PLXNA4: variants seen among roughly 807,000 people sequenced by gnomAD.
PLXNA4 encodes the protein plexin A4, also known as plexin-A4.
In PLXNA4, 44 loss-of-function variants were observed where a neutral mutation model predicts 191.8. That is an observed-to-expected ratio of 0.23 (90% confidence interval 0.18 to 0.29). PLXNA4 has a LOEUF of 0.29. Among genes scored for constraint, PLXNA4 ranks in the 10% least tolerant of loss-of-function variants. The pLI is 1.00. For synonymous variants in PLXNA4, 1,082 were observed against 1,009.5 expected (o/e 1.07, Z -1.36); for missense variants, 1,800 against 2,488.8 (o/e 0.72, Z 5.89).
intron 3 of PLXNA4, among the ~76,000 whole-genome samples, chr7:132,430,888 G>C (rs277480): frequency 0.1 from 15,685 of 152,226 alleles, 1,371 homozygotes; most frequent in African/African-American, 0.22. Flanking sequence ...ACTAGGACAG[G>C]AGCAGCAGCC....
chr7:132,588,265 C>A (rs1454543991), intron 2 of PLXNA4, among the ~76,000 whole-genome samples: 1 of 151,970 alleles, frequency 6.6e-6, no homozygotes, highest in Admixed American at 6.5e-5. Context: ...ATAATTACTG[C>A]TTTTTCCTCC....
chr7:132,353,053 C>A (rs1803556350), intron 3 of PLXNA4, among the ~76,000 whole-genome samples: 1 of 152,176 alleles, frequency 6.6e-6, no homozygotes, highest in Non-Finnish European at 1.5e-5. Context: ...TCCCACTTGC[C>A]AAGATGTTTC....
intron 3 of PLXNA4, among the ~76,000 whole-genome samples, chr7:132,405,574 G>A (rs574816564): frequency 4.6e-5 from 7 of 152,270 alleles, no homozygotes; most frequent in African/African-American, 9.6e-5. Context: ...AGGAGGTGTC[G>A]GCTTAGCAGG....
intron 3 of PLXNA4, among the ~76,000 whole-genome samples, chr7:132,345,821 T>C (rs1039716308): frequency 6.6e-6 from 1 of 152,222 alleles, no homozygotes; most frequent in African/African-American, 2.4e-5. Context: ...CATTTTCTCT[T>C]GGCTCAAAGG....
At chr7:132,506,323 T>C (rs909415802) in intron 2 of PLXNA4, among the ~76,000 whole-genome samples, 1 of 152,200 alleles carries the variant, frequency 6.6e-6, no homozygotes, top group African/African-American at 2.4e-5. Context: ...ATTTACACTT[T>C]TTTAAACAAC....
chr7:132,298,272 C>A, intron 3 of PLXNA4, 50 bp from the exon 4 acceptor site: 1 of 1,565,676 alleles, frequency 6.4e-7, no homozygotes, highest in Non-Finnish European at 8.6e-7. Flanking sequence ...CTGCACTGCC[C>A]ACAGCCAAAC....
At chr7:132,162,969 C>A (rs985687206) in intron 24 of PLXNA4, among the ~76,000 whole-genome samples, 1 of 152,146 alleles carries the variant, frequency 6.6e-6, no homozygotes, top group East Asian at 1.9e-4. Context: ...ATCACACTCC[C>A]TCCCAGTACT....
At chr7:132,604,923 C>G (rs1018766636) in intron 2 of PLXNA4, among the ~76,000 whole-genome samples, 4 of 152,244 alleles carry the variant, frequency 2.6e-5, no homozygotes, top group African/African-American at 9.6e-5. Context: ...GCACTTCCCT[C>G]TTGTCCCAGC....
At chr7:132,257,328 C>A (rs1016880147) in intron 4 of PLXNA4, among the ~76,000 whole-genome samples, 4 of 152,184 alleles carry the variant, frequency 2.6e-5, no homozygotes, top group Admixed American at 2.6e-4. Context: ...CACTCTTTGG[C>A]CAACATGTTT....
chr7:132,158,869 C>T (rs1448097252), intron 25 of PLXNA4, among the ~76,000 whole-genome samples: 1 of 152,198 alleles, frequency 6.6e-6, no homozygotes, highest in Non-Finnish European at 1.5e-5. Flanking sequence ...ACAGGTGGCC[C>T]TAACCAGCAT....
intron 2 of PLXNA4, among the ~76,000 whole-genome samples, chr7:132,616,027 C>T (rs2116860562): frequency 6.7e-6 from 1 of 149,558 alleles, no homozygotes; most frequent in South Asian, 2.1e-4. Flanking sequence ...CAACACGCTT[C>T]CCTTGGAGTG....
In PLXNA4 at chr7:132,145,189, A is replaced by T. The variant is rs1584759955; in HGVS notation, c.5155T>A (p.Phe1719Ile). 2 of 1,614,188 alleles carry T rather than the reference A, an allele frequency of 1.2e-6. No individual in the cohort carries two copies. Among genetic ancestry groups the T allele is most frequent in the Non-Finnish European group, 1.7e-6 (2 of 1,180,030 alleles). The change falls in exon 29 of 32, where the codon TTC (phenylalanine) becomes ATC (isoleucine). Residue 1719 changes from phenylalanine (F) to isoleucine (I), a missense_variant. Transcript: ENST00000321063. ...TGTTTATCAGCCTGCTCATCCAGGA[A>T]GTCAAACATGTACTTGATGGCCAGG... ...LPLAIKYMFD[F>I]LDEQADKHGI...
In PLXNA4 at chr7:132,508,570, T is replaced by C; in HGVS notation, c.124A>G (p.Thr42Ala). ...PLSQKQRSFV[T>A]FRGEPAEGFN... ...CCCTCGGCGGGCTCTCCTCGGAATG[T>C]GACAAATGACCGCTGCTTCTGGGAC... The change falls in exon 2 of 32, where the codon ACA (threonine) becomes GCA (alanine). Residue 42 changes from threonine (T) to alanine (A), a missense_variant. Thr to Ala is a moderately conservative substitution (Grantham distance 58). Transcript: ENST00000321063. This position sits in a 1 kb window ranked among gnomAD's most constrained non-coding sequence, Gnocchi z 4.4. 6.2e-7 allele frequency: 1 copy of C among 1,614,116 alleles called. No individual in the cohort carries two copies. Among genetic ancestry groups the C allele is most frequent in the Non-Finnish European group, 8.5e-7 (1 of 1,180,000 alleles).
At chr7:132,240,817 TC>T (rs1419046053) in intron 5 of PLXNA4, among the ~76,000 whole-genome samples, 1 of 152,186 alleles carries the variant, frequency 6.6e-6, no homozygotes, top group African/African-American at 2.4e-5. Flanking sequence ...GACAACTATA[TC>T]CTGACCTGTC....
At chr7:132,643,261 T>G (rs528793489) in intron 2 of PLXNA4, among the ~76,000 whole-genome samples, 1 of 152,190 alleles carries the variant, frequency 6.6e-6, no homozygotes, top group Non-Finnish European at 1.5e-5. Context: ...TTCTGCTGTT[T>G]CACACAGAGA....
chr7:132,495,208 C>T (rs949414032), intron 2 of PLXNA4, among the ~76,000 whole-genome samples: 3 of 152,204 alleles, frequency 2.0e-5, no homozygotes, highest in South Asian at 2.1e-4. Flanking sequence ...GTTTTAGCCC[C>T]GGCCCTGGCT....
chr7:132,250,173 G>C (rs1405402949), intron 4 of PLXNA4, among the ~76,000 whole-genome samples: 1 of 152,140 alleles, frequency 6.6e-6, no homozygotes, highest in Non-Finnish European at 1.5e-5. Context: ...TTGTTTTGAA[G>C]AATAATTGGG....
rs71529768 is a variant in PLXNA4, at chr7:132,612,663, C to CAAAA, written c.-87+33261_-87+33264dup. 5.9e-4 allele frequency among the ~76,000 whole-genome samples: 40 copies of CAAAA among 68,332 alleles called. 1 individual carries two copies. Among genetic ancestry groups the CAAAA allele is most frequent in the African/African-American group, 1.4e-3 (27 of 19,464 alleles). 44.8% of individuals were successfully genotyped at this position (68,332 alleles called of 152,430 possible). A position where few individuals can be genotyped will look rare whatever the true frequency, so the allele number is the denominator to read the frequency against. ...TGGGCAACAGAAAGAGTCTCCATCT[C>CAAAA]AAAAAAAAAAAAAAAAAAAAAGTCC... On this transcript the variant is annotated intron_variant, in intron 2 of 4. Transcript: ENST00000378539.
chr7:132,405,882 C>T (rs1422153897), intron 3 of PLXNA4, among the ~76,000 whole-genome samples: 2 of 152,206 alleles, frequency 1.3e-5, no homozygotes, highest in Non-Finnish European at 1.5e-5. Context: ...CTTCCCCTTG[C>T]TACCTGTAAT....
Sources: allele counts gnomAD v4.1 joint callset (sites outside exome capture counted in the v4.1 genomes callset), GRCh38; gene constraint gnomAD v4.1.1; non-coding constraint Gnocchi (gnomAD v3.1); transcripts MANE v1.5; gene names NCBI Gene and HGNC (gene_info 2026-07-23, HGNC 2026-07-21).